Variants in UBE3C observed in about 807,000 individuals in gnomAD.
The protein encoded by UBE3C is ubiquitin protein ligase E3C.
In UBE3C, 42 loss-of-function variants were observed where a neutral mutation model predicts 129.4. The observed-to-expected ratio is 0.32, with a 90% CI of 0.25 to 0.42. The LOEUF (loss-of-function observed/expected upper bound fraction) is 0.42, where lower values mean the gene tolerates loss of function less well. UBE3C is among the 10% of genes least tolerant of loss of function. The pLI, the probability that UBE3C is intolerant of heterozygous loss-of-function variation, is 1.00. For synonymous variants in UBE3C, 510 were observed against 492.4 expected, an observed-to-expected ratio of 1.04 and a Z score of -0.47; for missense variants, 1,049 against 1,319.1, an observed-to-expected ratio of 0.80 and a Z score of 3.17.
chr7:157,164,062 C>T (rs1808147534), intron 2 of UBE3C, among the ~76,000 whole-genome samples, 199 bp downstream of exon 2: 2 of 151,982 alleles, frequency 1.3e-5, no homozygotes, highest in African/African-American at 4.8e-5. Context: ...AGTTTCCAGA[C>T]TGGAGAAGGA....
At chr7:157,239,983 G>T (rs1052719795) in intron 18 of UBE3C, among the ~76,000 whole-genome samples, 1 of 152,190 alleles carries the variant, frequency 6.6e-6, no homozygotes, top group Admixed American at 6.5e-5. Flanking sequence ...CTGCATCACC[G>T]GGGGATCTAT....
intron 2 of UBE3C, among the ~76,000 whole-genome samples, chr7:157,168,358 AC>A (rs1808274821): frequency 6.6e-6 from 1 of 150,884 alleles, no homozygotes; most frequent in South Asian, 2.1e-4. Flanking sequence ...AAAAGGTCCT[AC>A]TATGCTGGTG....
At chr7:157,148,456 G>A (rs1807665788) in intron 1 of UBE3C, among the ~76,000 whole-genome samples, 1 of 151,916 alleles carries the variant, frequency 6.6e-6, no homozygotes, top group African/African-American at 2.4e-5. Context: ...CTGTTAAGAT[G>A]GTAAGAACTT....
At position 157,183,879 on chromosome 7, in the gene UBE3C, G is replaced by A. The variant is rs756678763; in HGVS notation, c.993G>A (p.Gly331=). 5 of 1,611,982 alleles carry A rather than the reference G, an allele frequency of 3.1e-6. No individual in the cohort carries two copies. The highest frequency in any genetic ancestry group is 2.7e-5 in the African/African-American group (2 of 74,912). The change falls in exon 9 of 23, where the codon GGG becomes GGA. Residue 331 remains glycine, a splice_region_variant and synonymous_variant. Transcript: ENST00000348165. ...FVLTVGENYL[G]ALSEEGLLVY... ...GTTTTAACTGATTGTTTTGCAAAGG[G>A]GCCCTCTCTGAGGAAGGGCTGCTGG... is the stretch of plus-strand genomic sequence containing the variant.
intron 1 of UBE3C, 145 bp downstream of exon 1, chr7:157,139,483 T>C: frequency 1.4e-6 from 1 of 695,218 alleles, no homozygotes; most frequent in Non-Finnish European, 2.0e-6. Flanking sequence ...GACTCGGGGC[T>C]TCCTCGCCGG....
chr7:157,192,863 TAAAA>T, intron 10 of UBE3C: 5 of 747,510 alleles, frequency 6.7e-6, no homozygotes, highest in East Asian at 2.7e-5. Context: ...GACATGAACT[TAAAA>T]AAAAAAAAAA....
chr7:157,235,359 G>A (rs978315842), intron 18 of UBE3C, among the ~76,000 whole-genome samples: 3 of 152,138 alleles, frequency 2.0e-5, no homozygotes, highest in African/African-American at 7.2e-5. Flanking sequence ...ACACAGTACA[G>A]TCACAGAAGA....
At chr7:157,262,218 C>A (rs1054962975) in intron 22 of UBE3C, among the ~76,000 whole-genome samples, 14 of 151,734 alleles carry the variant, frequency 9.2e-5, no homozygotes, top group African/African-American at 3.4e-4. Context: ...ATTTCTGGTT[C>A]TCCTTTGGTT....
intron 9 of UBE3C, among the ~76,000 whole-genome samples, chr7:157,184,468 A>G (rs1416642657): frequency 6.6e-6 from 1 of 152,164 alleles, no homozygotes; most frequent in East Asian, 1.9e-4. Flanking sequence ...TTTCTTCCTT[A>G]CTATTGAGTT....
intron 18 of UBE3C, among the ~76,000 whole-genome samples, chr7:157,242,527 T>TG (rs1796364312): frequency 4.9e-5 from 7 of 143,052 alleles, no homozygotes; most frequent in South Asian, 2.2e-4. Flanking sequence ...TTTTTTTTTT[T>TG]TTTTTTTTTT....
chr7:157,198,783 C>T (rs1809197546), intron 10 of UBE3C, among the ~76,000 whole-genome samples: 1 of 152,178 alleles, frequency 6.6e-6, no homozygotes, highest in Non-Finnish European at 1.5e-5. Context: ...GGTTACCCAC[C>T]TTGGCCTCCC....
chr7:157,145,771 T>TA (rs1359435495), intron 1 of UBE3C, among the ~76,000 whole-genome samples: 4 of 152,336 alleles, frequency 2.6e-5, no homozygotes, highest in African/African-American at 9.6e-5. Context: ...GCTTTTTTTT[T>TA]AGAGTGGTTT....
chr7:157,150,805 A>G (rs1235680634), intron 1 of UBE3C, among the ~76,000 whole-genome samples: 2 of 152,260 alleles, frequency 1.3e-5, no homozygotes, highest in South Asian at 2.1e-4. Context: ...CCATTGAATA[A>G]AAGAAAGATA....
chr7:157,183,483 C>T (rs1209837581), intron 8 of UBE3C, among the ~76,000 whole-genome samples: 1 of 152,178 alleles, frequency 6.6e-6, no homozygotes, highest in Non-Finnish European at 1.5e-5. Flanking sequence ...TATGGTGCTT[C>T]TTCTCCAGTG....
At chr7:157,248,012 A>G (rs553140601) in intron 18 of UBE3C, among the ~76,000 whole-genome samples, 1 of 152,278 alleles carries the variant, frequency 6.6e-6, no homozygotes, top group East Asian at 1.9e-4. Context: ...TGCCGTAGCC[A>G]CCTTGGGAGA....
At position 157,261,382 on chromosome 7, in the gene UBE3C, C is replaced by T. The variant is rs113377265; in HGVS notation, c.3081+4338C>T. Among the ~76,000 whole-genome samples, 1,071 of 150,774 alleles carry T rather than the reference C, an allele frequency of 7.1e-3. 9 individuals carry two copies. The highest frequency in any genetic ancestry group is 0.066 in the Middle Eastern group (19 of 290). On this transcript the variant is annotated intron_variant, in intron 22 of 22. Coordinates refer to ENST00000348165, the MANE Select transcript of UBE3C (RefSeq NM_014671.3). The stretch of plus-strand genomic sequence containing the variant: ...GGGAAAATCCTACCCCAGTCAAGAC[C>T]CCGCACAATCATAATTGAGTTATAC...
At chr7:157,155,360 T>G (rs1807873172) in intron 1 of UBE3C, among the ~76,000 whole-genome samples, 1 of 152,220 alleles carries the variant, frequency 6.6e-6, no homozygotes, top group Admixed American at 6.5e-5. Context: ...GATAATTCTG[T>G]GTAAATGGAG....
chr7:157,210,959 GT>G (rs1342537834), intron 13 of UBE3C, among the ~76,000 whole-genome samples: 3 of 152,190 alleles, frequency 2.0e-5, no homozygotes, highest in Non-Finnish European at 4.4e-5. Context: ...TGCTAAAACA[GT>G]TTATGCATTT....
rs1298487057 is a variant in UBE3C at position 157,184,045 on chromosome 7, T to G, written c.1143+16T>G. 6.2e-7 allele frequency: 1 copy of G among 1,610,742 alleles called. No homozygotes were observed. The highest frequency in any genetic ancestry group is 8.5e-7 in the Non-Finnish European group (1 of 1,177,932). On this transcript the variant is annotated intron_variant, in intron 9 of 22. Transcript: ENST00000348165. ...CTCAAGCCCGGTAAGCCCCGTGCCC[T>G]GCATCTGGGGGGCTGCGATGCAGGC...
Sources: allele counts gnomAD v4.1 joint callset (sites outside exome capture counted in the v4.1 genomes callset), GRCh38; gene constraint gnomAD v4.1.1; transcripts MANE v1.5; gene names NCBI Gene and HGNC (gene_info 2026-07-23, HGNC 2026-07-21).